Variants in ADGRG4 observed in about 807,000 individuals in gnomAD.
The protein encoded by ADGRG4 is G protein-coupled receptor 112.
A neutral mutation model predicts 126.2 loss-of-function variants in ADGRG4; 122 were observed. That is an observed-to-expected ratio of 0.97 (90% CI 0.83 to 1.12). The LOEUF (loss-of-function observed/expected upper bound fraction) is 1.12. Ranked by LOEUF, ADGRG4 falls within the 50% of genes most tolerant of loss-of-function variation. The pLI is 0.00. For synonymous variants in ADGRG4, 943 were observed against 838.7 expected (o/e 1.12, Z -2.15); for missense variants, 2,481 against 2,251.8 (o/e 1.10, Z -2.06).
rs183185983 is a variant in ADGRG4, at chrX:136,350,511, G to A, written c.6727+78G>A. ...GGTCATGTGTTCTCCAAAGTGGCCCGTTCTTGGAAGGCAGAAAAGAATGAA... is the reference window on the plus strand; with the variant it reads ...GGTCATGTGTTCTCCAAAGTGGCCCATTCTTGGAAGGCAGAAAAGAATGAA... On this transcript the variant is annotated intron_variant, in intron 6 of 25. Coordinates refer to ENST00000394143, the MANE Select transcript of ADGRG4 (RefSeq NM_153834.4). 492 of 978,821 alleles carry A rather than the reference G, an allele frequency of 5.0e-4. 5 individuals are homozygous for A. The East Asian group carries it at 0.012, about 23-fold the overall frequency. The allele number at this position is 978,821 out of a possible 1,213,427, so 80.7% of individuals were successfully genotyped here.
At chrX:136,344,293 A>T in intron 5 of ADGRG4, 99 bp from the exon 6 acceptor site, 1 of 533,146 alleles carries the variant, frequency 1.9e-6, no homozygotes, top group Non-Finnish European at 3.0e-6. Context: ...TATCTATGAT[A>T]CTTTCTTACA....
intron 24 of ADGRG4, among the ~76,000 whole-genome samples, chrX:136,412,830 G>A (rs747514891): frequency 5.4e-5 from 6 of 112,004 alleles, no homozygotes; most frequent in Non-Finnish European, 9.4e-5. Flanking sequence ...CGAACTGGGG[G>A]ATGTAGTGAA....
chrX:136,366,724 A>G (rs919608854), intron 13 of ADGRG4, among the ~76,000 whole-genome samples: 1 of 112,186 alleles, frequency 8.9e-6, no homozygotes, highest in African/African-American at 3.2e-5. Flanking sequence ...GATTTTGGCT[A>G]TTCTAATAGG....
intron 5 of ADGRG4, among the ~76,000 whole-genome samples, chrX:136,324,832 A>G (rs2148452284): frequency 8.9e-6 from 1 of 111,898 alleles, no homozygotes; most frequent in South Asian, 3.8e-4. Context: ...CAGTCATTTT[A>G]CTAAGGCGTC....
intron 1 of ADGRG4, among the ~76,000 whole-genome samples, chrX:136,303,663 T>C (rs931965885): frequency 3.6e-5 from 4 of 112,184 alleles, no homozygotes; most frequent in African/African-American, 1.3e-4. Flanking sequence ...AGTTTTTAAG[T>C]TGGCAATCAA....
chrX:136,406,094 C>A, intron 23 of ADGRG4, 122 bp downstream of exon 23: 1 of 728,075 alleles, frequency 1.4e-6, no homozygotes, highest in Non-Finnish European at 2.0e-6. Context: ...TAAATGCACC[C>A]ACAGCCCACT....
intron 15 of ADGRG4, among the ~76,000 whole-genome samples, chrX:136,383,581 A>G (rs2075274642): frequency 9.0e-6 from 1 of 110,818 alleles, no homozygotes; most frequent in Non-Finnish European, 1.9e-5. Context: ...TTTGTGTTTT[A>G]TTTTTTACCC....
intron 6 of ADGRG4, among the ~76,000 whole-genome samples, chrX:136,350,700 G>A (rs1365022742): frequency 1.8e-5 from 2 of 111,641 alleles, no homozygotes; most frequent in African/African-American, 6.5e-5. Context: ...CTTTCCACCT[G>A]TTTTGTTCTT....
rs761604360 is a variant in ADGRG4 at position 136,347,377 on chromosome X, C to A, written c.3671C>A (p.Thr1224Asn). 8.3e-6 allele frequency: 10 copies of A among 1,210,022 alleles called. No individual in the cohort carries two copies. The highest frequency in any genetic ancestry group is 1.0e-5 in the Non-Finnish European group (9 of 894,176). The change falls in exon 6 of 26, where the codon ACT becomes AAT. Residue 1224 changes from threonine (T) to asparagine (N), a missense_variant. Thr to Asn is a moderately conservative substitution (Grantham distance 65). Coordinates refer to ENST00000394143, the MANE Select transcript of ADGRG4 (RefSeq NM_153834.4). ...TCACACATCTCTGCCAATAAGTTGACTACTTCAGTAAACAGTCACATTTCT... is the reference window on the plus strand; with the variant it reads ...TCACACATCTCTGCCAATAAGTTGAATACTTCAGTAAACAGTCACATTTCT... ...TPSHISANKL[T>N]TSVNSHISSS...
At position 136,356,100 on chromosome X, in the gene ADGRG4, A is replaced by G. The variant is rs767193348; in HGVS notation, c.6888-26A>G. On this transcript the variant is annotated intron_variant, in intron 8 of 25. Transcript: ENST00000394143. Reference sequence around the variant, plus strand: ...ACTTGGTACTATATTTCATTTTCCTATAATTTTGTAATGCTTTTGATACAG... The same window carrying G: ...ACTTGGTACTATATTTCATTTTCCTGTAATTTTGTAATGCTTTTGATACAG... The G allele has an allele frequency of 8.8e-6, 10 of 1,135,853 alleles. No homozygotes were observed. The East Asian group carries it at 3.0e-4, about 34-fold the overall frequency. The allele number at this position is 1,135,853 out of a possible 1,213,427, so 93.6% of individuals were successfully genotyped here.
intron 5 of ADGRG4, among the ~76,000 whole-genome samples, chrX:136,328,016 G>A (rs1012219974): frequency 9.0e-6 from 1 of 110,539 alleles, no homozygotes; most frequent in African/African-American, 3.3e-5. Flanking sequence ...ATATCCTTGC[G>A]GAAAAAATGT....
Position 136,372,936 on chromosome X carries a change from A to G in ADGRG4, c.7648A>G (p.Met2550Val). The change falls in exon 15 of 26, where the codon ATG becomes GTG. Residue 2550 changes from methionine (M) to valine (V), a missense_variant. Met to Val is a conservative substitution (Grantham distance 21). Coordinates refer to ENST00000394143, the MANE Select transcript of ADGRG4 (RefSeq NM_153834.4). Reference sequence around the variant, plus strand: ...GATAATTGAGCGTACTGGTCACAAGATGGAGTTTTCTGGGCAGATAGCAAA... The same window carrying G: ...GATAATTGAGCGTACTGGTCACAAGGTGGAGTTTTCTGGGCAGATAGCAAA... ...LRIIERTGHKMEFSGQIANLT... is the reference protein window; with the variant it reads ...LRIIERTGHKVEFSGQIANLT... 1 of 1,211,463 alleles carries G rather than the reference A, an allele frequency of 8.3e-7. No individual in the cohort carries two copies. The highest frequency in any genetic ancestry group is 1.1e-6 in the Non-Finnish European group (1 of 895,264).
At chrX:136,337,451 T>C (rs763394487) in intron 5 of ADGRG4, among the ~76,000 whole-genome samples, 1 of 112,544 alleles carries the variant, frequency 8.9e-6, no homozygotes, top group East Asian at 2.8e-4. Context: ...ATTATTTCTG[T>C]TTGAAGTAAT....
At position 136,347,936 on chromosome X, in the gene ADGRG4, C is replaced by T; in HGVS notation, c.4230C>T (p.Gly1410=). The part of the protein sequence containing the change: ...STYVTHSVSY[G]QDTSFVDTTT... ...ATGTGACTCACTCTGTCTCATATGG[C>T]CAGGATACTTCATTTGTAGATACCA... is the stretch of plus-strand genomic sequence containing the variant. The change falls in exon 6 of 26, where the codon GGC becomes GGT. Residue 1410 remains glycine, a synonymous_variant. Transcript: ENST00000394143. 1 of 1,206,017 alleles carries T rather than the reference C, an allele frequency of 8.3e-7. No individual in the cohort carries two copies. The highest frequency in any genetic ancestry group is 1.1e-6 in the Non-Finnish European group (1 of 890,250).
chrX:136,387,716 T>G (rs758552360), intron 15 of ADGRG4, 24 bp from the exon 16 acceptor site: 23 of 1,198,509 alleles, frequency 1.9e-5, no homozygotes, highest in Middle Eastern at 4.6e-4. Context: ...ACTCCAATTT[T>G]CATTTTTTGG....
In ADGRG4 at chrX:136,344,623, T is replaced by A. The variant is rs150925058; in HGVS notation, c.917T>A (p.Leu306Gln). 297 of 1,207,859 alleles carry A rather than the reference T, an allele frequency of 2.5e-4. 1 individual carries two copies. In the East Asian group the frequency reaches 8.7e-3, roughly 35 times the overall value. ...ACTGCACAAAAAATCTTAAAGACACTGGTAGATGAGACAGCTACATTTGCA... is the reference window on the plus strand; with the variant it reads ...ACTGCACAAAAAATCTTAAAGACACAGGTAGATGAGACAGCTACATTTGCA... ...TMTAQKILKT[L>Q]VDETATFAVD... Residue 306 changes from leucine to glutamine, a missense_variant, in exon 6 of 26, where the codon CTG (leucine) becomes CAG (glutamine). Transcript: ENST00000394143.
intron 15 of ADGRG4, 44 bp from the exon 16 acceptor site, chrX:136,387,696 A>G: frequency 8.5e-7 from 1 of 1,174,819 alleles, no homozygotes; most frequent in South Asian, 1.9e-5. Flanking sequence ...CTTCACTATG[A>G]TGAATGAAGA....
intron 14 of ADGRG4, among the ~76,000 whole-genome samples, chrX:136,372,223 AC>A: frequency 9.0e-6 from 1 of 111,177 alleles, no homozygotes; most frequent in Admixed American, 9.6e-5. Context: ...GTACTAGTTA[AC>A]TCCTTCTAAC....
At chrX:136,326,191 G>A (rs995513757) in intron 5 of ADGRG4, among the ~76,000 whole-genome samples, 2 of 112,439 alleles carry the variant, frequency 1.8e-5, no homozygotes, top group Non-Finnish European at 3.8e-5. Context: ...CTTGGACCAA[G>A]AGTTCCTAAT....
Sources: gnomAD v4.1 joint callset for allele counts (sites outside exome capture counted in the v4.1 genomes callset) on GRCh38, gnomAD v4.1.1 for gene constraint, MANE v1.5 for transcripts, NCBI Gene and HGNC (gene_info 2026-07-23, HGNC 2026-07-21) for gene names.